The following SLC26A4 variants were observed in gnomAD, a reference collection of about 807,000 sequenced individuals.
SLC26A4 encodes pendrin.
In SLC26A4, 93 loss-of-function variants were observed where a neutral mutation model predicts 90.4. That is an observed-to-expected ratio of 1.03 (90% CI 0.87 to 1.22). The LOEUF (loss-of-function observed/expected upper bound fraction) is 1.22, where lower values mean the gene tolerates loss of function less well. Ranked by LOEUF, SLC26A4 falls within the 50% of genes most tolerant of loss-of-function variation. SLC26A4 has a pLI of 0.00. For missense variants in SLC26A4, 1,127 were observed against 946.2 expected, an observed-to-expected ratio of 1.19 and a Z score of -2.51; for synonymous variants, 393 against 354.6, an observed-to-expected ratio of 1.11 and a Z score of -1.22.
rs143171576 is a variant in SLC26A4, at chr7:107,662,463, C to A, written c.164+658C>A. Reference sequence around the variant, plus strand: ...AGTATAATGAACTCCCCACCCCCACCGTTTTTAACCCATCACTCGGCCTCA... The same window carrying A: ...AGTATAATGAACTCCCCACCCCCACAGTTTTTAACCCATCACTCGGCCTCA... On this transcript the variant is annotated intron_variant, in intron 2 of 20. Transcript: ENST00000644269. 1.6e-4 allele frequency among the ~76,000 whole-genome samples: 25 copies of A among 152,158 alleles called. 1 individual carries two copies. In the East Asian group the frequency reaches 4.8e-3, roughly 29 times the overall value.
At position 107,661,556 on chromosome 7, in the gene SLC26A4, C is replaced by T; in HGVS notation, c.-3-83C>T. 6 of 1,415,822 alleles carry T rather than the reference C, an allele frequency of 4.2e-6. No individual in the cohort carries two copies. The highest frequency in any genetic ancestry group is 1.4e-5 in the African/African-American group (1 of 70,760). The allele number at this position is 1,415,822 out of a possible 1,614,324, so 87.7% of individuals were successfully genotyped here. A position where few individuals can be genotyped will look rare whatever the true frequency, so the allele number is the denominator to read the frequency against. On this transcript the variant is annotated intron_variant, in intron 1 of 20. Coordinates refer to ENST00000644269, the MANE Select transcript of SLC26A4 (RefSeq NM_000441.2). The surrounding 1 kb of genome is among the most constrained non-coding windows in gnomAD (Gnocchi z 5.1). ...CCTGGCTGCAGCTAACAGGTGATCC[C>T]GTTCTTTCTGTTCCTCGCTCTTCCC...
intron 17 of SLC26A4, among the ~76,000 whole-genome samples, chr7:107,704,096 C>T (rs139482788): frequency 2.5e-4 from 38 of 152,296 alleles, no homozygotes; most frequent in African/African-American, 7.2e-4. Context: ...AGCACCTCCA[C>T]GCTATCAAGT....
chr7:107,669,651 G>A (rs1790811987), intron 3 of SLC26A4, among the ~76,000 whole-genome samples: 1 of 152,172 alleles, frequency 6.6e-6, no homozygotes, highest in Admixed American at 6.5e-5. Context: ...CTCCACTAGG[G>A]CAGAGACTTT....
intron 8 of SLC26A4, among the ~76,000 whole-genome samples, chr7:107,686,943 C>T (rs548320139): frequency 6.6e-6 from 1 of 152,194 alleles, no homozygotes; most frequent in Non-Finnish European, 1.5e-5. Context: ...GCAAAGCCAA[C>T]AAAACCACAG....
At chr7:107,687,310 C>T (rs1207564019) in intron 8 of SLC26A4, among the ~76,000 whole-genome samples, 1 of 152,212 alleles carries the variant, frequency 6.6e-6, no homozygotes, top group East Asian at 1.9e-4. Context: ...AAAAGGCTTA[C>T]TTACAGGTCA....
Position 107,674,947 on chromosome 7 carries a change from G to A in SLC26A4, c.603G>A (p.Leu201=). ...ALTLLVGIIQ[L]IFGGLQIGFI... ...TTCTTTCCTTTTCCTTATCGTAGTT[G>A]ATATTTGGTGGCTTGCAGATTGGAT... Residue 201 remains leucine (L), a splice_region_variant and synonymous_variant, in exon 6 of 21, where the codon TTG becomes TTA. Coordinates refer to ENST00000644269, the MANE Select transcript of SLC26A4 (RefSeq NM_000441.2). The A allele has an allele frequency of 6.2e-7, 1 of 1,614,010 alleles. No individual in the cohort carries two copies. Among genetic ancestry groups the A allele is most frequent in the Non-Finnish European group, 8.5e-7 (1 of 1,179,930 alleles).
chr7:107,715,359 A>G, intron 20 of SLC26A4, 64 bp from the exon 21 acceptor site: 2 of 1,295,796 alleles, frequency 1.5e-6, no homozygotes, highest in South Asian at 2.4e-5. Flanking sequence ...TTTATAAAAA[A>G]GATAATGCAG....
Position 107,701,838 on chromosome 7 carries a change from A to G in SLC26A4, c.1815A>G (p.Ile605Met). The G allele has an allele frequency of 6.3e-7, 1 of 1,591,532 alleles. No individual in the cohort carries two copies. The highest frequency in any genetic ancestry group is 8.6e-7 in the Non-Finnish European group (1 of 1,159,540). The change falls in exon 17 of 21, where the codon ATA becomes ATG. Residue 605 changes from isoleucine (I) to methionine (M), a missense_variant. Physicochemically the swap from Ile to Met is conservative, Grantham distance 10. Transcript: ENST00000644269. ...TTTTCTTCGTTTAGAATGGCATCAT[A>G]AGTGATGCTGTTTCAACAAATAATG... Reference protein sequence around the residue: ...GQLRATKNGIISDAVSTNNAF... With the variant: ...GQLRATKNGIMSDAVSTNNAF...
Position 107,689,259 on chromosome 7 carries a change from A to T in SLC26A4, c.1149+59A>T. 1.9e-6 allele frequency: 3 copies of T among 1,576,496 alleles called. No individual in the cohort carries two copies. In the East Asian group the frequency reaches 6.7e-5, roughly 35 times the overall value. ...GGGCTGGAAACAGGAAAAAAACATAAATGGAAAAGATTTTGGTGTCAGCTA... is the reference window on the plus strand; with the variant it reads ...GGGCTGGAAACAGGAAAAAAACATATATGGAAAAGATTTTGGTGTCAGCTA... On this transcript the variant is annotated intron_variant, in intron 9 of 20. Coordinates refer to ENST00000644269, the MANE Select transcript of SLC26A4 (RefSeq NM_000441.2).
chr7:107,694,808 C>A (rs1264366601), intron 12 of SLC26A4, 92 bp downstream of exon 12: 10 of 883,050 alleles, frequency 1.1e-5, no homozygotes, highest in African/African-American at 1.6e-5. Context: ...TCCCCTAAGT[C>A]TCACTTGTGC....
At chr7:107,707,070 G>T (rs926619525) in intron 18 of SLC26A4, among the ~76,000 whole-genome samples, 1 of 152,172 alleles carries the variant, frequency 6.6e-6, no homozygotes, top group African/African-American at 2.4e-5. Context: ...TGGGGAAGTG[G>T]AGGTAGCAGT....
At chr7:107,692,042 C>A in intron 10 of SLC26A4, 1 of 1,289,286 alleles carries the variant, frequency 7.8e-7, no homozygotes, top group Non-Finnish European at 1.0e-6. Flanking sequence ...CTGATGTTAC[C>A]TCCAGGCTCA....
intron 10 of SLC26A4, chr7:107,692,041 C>A (rs1262359817): frequency 3.9e-6 from 5 of 1,289,164 alleles, no homozygotes; most frequent in Non-Finnish European, 5.1e-6. Flanking sequence ...CCTGATGTTA[C>A]CTCCAGGCTC....
At chr7:107,698,237 G>A (rs1053025665) in intron 14 of SLC26A4, 126 bp downstream of exon 14, 28 of 726,086 alleles carry the variant, frequency 3.9e-5, no homozygotes, top group Non-Finnish European at 6.1e-5. Flanking sequence ...TAGTCCACAG[G>A]GAGTGTCATG....
intron 12 of SLC26A4, 40 bp from the exon 13 acceptor site, chr7:107,695,893 A>C: frequency 1.2e-5 from 11 of 922,950 alleles, no homozygotes; most frequent in Non-Finnish European, 1.8e-5. Context: ...GGTACCTGAT[A>C]CATTAATATA....
rs1790882629 is a variant in SLC26A4, at chr7:107,672,079, G to T, written c.305-59G>T. On this transcript the variant is annotated intron_variant, in intron 3 of 20. Coordinates refer to ENST00000644269, the MANE Select transcript of SLC26A4 (RefSeq NM_000441.2). ...ATAAGTGGAACCATTGTAAGTTGAG[G>T]ACTTTCTGCATACTGTAACTTTGGT... The T allele has an allele frequency of 3.9e-6, 4 of 1,028,674 alleles. No individual in the cohort carries two copies. In the Admixed American group the frequency reaches 6.8e-5, roughly 17 times the overall value. The allele number at this position is 1,028,674 out of a possible 1,614,324, so 63.7% of individuals were successfully genotyped here.
chr7:107,700,754 G>A (rs1442774534), intron 15 of SLC26A4, among the ~76,000 whole-genome samples: 1 of 152,176 alleles, frequency 6.6e-6, no homozygotes, highest in Non-Finnish European at 1.5e-5. Flanking sequence ...CTGATTCAGA[G>A]GAATGTTCAC....
chr7:107,677,070 G>T (rs1485451352), intron 6 of SLC26A4, among the ~76,000 whole-genome samples: 1 of 152,126 alleles, frequency 6.6e-6, no homozygotes, highest in Non-Finnish European at 1.5e-5. Context: ...CCAGCTACTT[G>T]GGAGGCTGAG....
chr7:107,667,376 C>A (rs1412368887), intron 3 of SLC26A4, among the ~76,000 whole-genome samples: 1 of 142,474 alleles, frequency 7.0e-6, no homozygotes, highest in Non-Finnish European at 1.5e-5. Flanking sequence ...GAGGGGCAGC[C>A]AAGAACCTGA....
Sources: gnomAD v4.1 joint callset for allele counts (sites outside exome capture counted in the v4.1 genomes callset) on GRCh38, gnomAD v4.1.1 for gene constraint, Gnocchi (gnomAD v3.1) non-coding constraint, MANE v1.5 for transcripts, NCBI Gene and HGNC (gene_info 2026-07-23, HGNC 2026-07-21) for gene names.